The following DSCAML1 variants were observed in gnomAD, a reference collection of about 807,000 sequenced individuals.
The protein encoded by DSCAML1 is cell adhesion molecule DSCAML1.
Under a neutral mutation model 200.5 loss-of-function variants are expected in DSCAML1, and 38 were observed. The observed-to-expected ratio is 0.19, with a 90% CI of 0.15 to 0.25. The LOEUF is 0.25. Among genes scored for constraint, DSCAML1 ranks in the 10% least tolerant of loss-of-function variants. DSCAML1 has a pLI of 1.00. For synonymous variants in DSCAML1, 1,215 were observed against 1,165.0 expected (o/e 1.04, Z -0.87); for missense variants, 2,223 against 2,858.8 (o/e 0.78, Z 5.07).
At chr11:117,512,813 C>A (rs1440269732) in intron 8 of DSCAML1, among the ~76,000 whole-genome samples, 3 of 150,398 alleles carry the variant, frequency 2.0e-5, no homozygotes, top group East Asian at 2.0e-4. Flanking sequence ...CCCTCCCCTT[C>A]CCCCCACTTC....
chr11:117,465,063 G>C lies in DSCAML1; in HGVS notation c.3144C>G (p.Ser1048Arg), dbSNP rs760664175. Residue 1048 changes from serine (S) to arginine (R), a missense_variant, in exon 17 of 33, where the codon AGC (serine) becomes AGG (arginine). Coordinates refer to ENST00000651296, the MANE Select transcript of DSCAML1 (RefSeq NM_020693.4). ...TGAGGTTGTCCAGGGTGTAGACCTC[G>C]CTGTCCCCCGTGGCCTTCATCTCCA... ...SIVEMKATGD[S>R]EVYTLDNLKK... The C allele has an allele frequency of 6.2e-7, 1 of 1,613,988 alleles. No individual in the cohort carries two copies. The highest frequency in any genetic ancestry group is 1.3e-5 in the African/African-American group (1 of 74,904).
chr11:117,782,890 A>G (rs1002745468), intron 1 of DSCAML1, among the ~76,000 whole-genome samples: 2 of 152,190 alleles, frequency 1.3e-5, no homozygotes, highest in African/African-American at 2.4e-5. Flanking sequence ...CGAGAGATCA[A>G]TGCAACTTAC....
At chr11:117,643,039 T>C (rs762344143) in intron 3 of DSCAML1, among the ~76,000 whole-genome samples, 16 of 152,232 alleles carry the variant, frequency 1.1e-4, no homozygotes, top group Non-Finnish European at 2.2e-4. Context: ...AGACTTTGCC[T>C]CTGGTGTACT....
chr11:117,623,216 C>CTTTTTTTTTTT (rs56343852), intron 3 of DSCAML1, among the ~76,000 whole-genome samples: 16 of 121,106 alleles, frequency 1.3e-4, no homozygotes, highest in African/African-American at 2.2e-4. Flanking sequence ...CTTTTCTTTT[C>CTTTTTTTTTTT]TTTTTTTTTT....
intron 1 of DSCAML1, among the ~76,000 whole-genome samples, 169 bp downstream of exon 1, chr11:117,796,865 C>G (rs969989475): frequency 1.3e-5 from 2 of 152,110 alleles, no homozygotes; most frequent in Admixed American, 6.5e-5. Context: ...CTGACTCTCA[C>G]TCGGCCCCTG....
At chr11:117,662,309 G>C (rs747766250) in intron 3 of DSCAML1, among the ~76,000 whole-genome samples, 1 of 152,236 alleles carries the variant, frequency 6.6e-6, no homozygotes, top group Non-Finnish European at 1.5e-5. Context: ...CCCTTTCATG[G>C]AACCAGTAGT....
intron 8 of DSCAML1, among the ~76,000 whole-genome samples, chr11:117,513,366 G>T (rs1377186163): frequency 6.6e-6 from 1 of 152,168 alleles, no homozygotes; most frequent in African/African-American, 2.4e-5. Context: ...TGGGTGTTTG[G>T]CTGTGAGGGT....
chr11:117,718,684 A>T (rs888593212), intron 3 of DSCAML1, among the ~76,000 whole-genome samples: 55 of 11,340 alleles, frequency 4.9e-3, no homozygotes, highest in East Asian at 0.013. Context: ...CCCCCCCCCC[A>T]TCATATGAGA....
intron 3 of DSCAML1, among the ~76,000 whole-genome samples, chr11:117,763,994 C>G (rs1488851715): frequency 6.6e-6 from 1 of 152,162 alleles, no homozygotes. Context: ...AACTTGATTC[C>G]TTTCCTGCAC....
In DSCAML1 at chr11:117,785,600, A is replaced by G. The variant is rs2055338151; in HGVS notation, c.47-4790T>C. 2.6e-5 allele frequency among the ~76,000 whole-genome samples: 4 copies of G among 152,282 alleles called. No homozygotes were observed. In the South Asian group the frequency reaches 8.3e-4, roughly 32 times the overall value. ...ATGTGGAGGTTTGCAAGCTTAGGAAAGCAAGGTTTGAGGGTCCAGCAGTCC... is the reference window on the plus strand; with the variant it reads ...ATGTGGAGGTTTGCAAGCTTAGGAAGGCAAGGTTTGAGGGTCCAGCAGTCC... On this transcript the variant is annotated intron_variant, in intron 1 of 32. Transcript: ENST00000651296.
chr11:117,796,673 C>T (rs2055582863), intron 1 of DSCAML1, among the ~76,000 whole-genome samples: 1 of 152,192 alleles, frequency 6.6e-6, no homozygotes, highest in African/African-American at 2.4e-5. Flanking sequence ...CCCCTCGACT[C>T]GGAGGGCACT....
chr11:117,712,118 A>AT (rs759050224), intron 3 of DSCAML1, among the ~76,000 whole-genome samples: 10 of 152,154 alleles, frequency 6.6e-5, no homozygotes, highest in East Asian at 3.9e-4. Context: ...CATTTATTTT[A>AT]TTTTTTTTAA....
intron 3 of DSCAML1, among the ~76,000 whole-genome samples, chr11:117,746,735 C>T (rs1266352829): frequency 6.6e-6 from 1 of 152,182 alleles, no homozygotes; most frequent in Non-Finnish European, 1.5e-5. Context: ...CCCAAACACA[C>T]AGGGCTCTGT....
At chr11:117,614,764 T>C (rs1212541008) in intron 3 of DSCAML1, among the ~76,000 whole-genome samples, 2 of 152,226 alleles carry the variant, frequency 1.3e-5, no homozygotes, top group African/African-American at 2.4e-5. Flanking sequence ...GTGGGAAGCC[T>C]GGAGCAGGGT....
At chr11:117,656,157 T>C (rs941893425) in intron 3 of DSCAML1, among the ~76,000 whole-genome samples, 42 of 152,208 alleles carry the variant, frequency 2.8e-4, no homozygotes, top group Non-Finnish European at 7.3e-5. Flanking sequence ...AGAATTACTT[T>C]AACCCAGAAG....
intron 3 of DSCAML1, among the ~76,000 whole-genome samples, chr11:117,606,440 C>T (rs1033366102): frequency 3.3e-5 from 5 of 152,184 alleles, no homozygotes; most frequent in Non-Finnish European, 5.9e-5. Flanking sequence ...ACACTTTGAT[C>T]GATGAGTTAA....
upstream of DSCAML1, among the ~76,000 whole-genome samples, chr11:117,797,824 T>C (rs967661115): frequency 6.7e-6 from 1 of 149,488 alleles, no homozygotes; most frequent in Non-Finnish European, 1.5e-5. Flanking sequence ...TTATTCACAA[T>C]GAGCAGTTTA....
At position 117,780,213 on chromosome 11, in the gene DSCAML1, G is replaced by A. The variant is rs1359100812; in HGVS notation, c.364+280C>T. On this transcript the variant is annotated intron_variant, in intron 2 of 32. Coordinates refer to ENST00000651296, the MANE Select transcript of DSCAML1 (RefSeq NM_020693.4). This position sits in a 1 kb window ranked among gnomAD's most constrained non-coding sequence, Gnocchi z 4.8. ...AAAGAAAGAAAGAGAAAGAAAGAGA[G>A]AGAGAGAAAGAAAGAAAGGAAAGAA... Among the ~76,000 whole-genome samples the A allele has an allele frequency of 5.1e-3, 244 of 48,108 alleles. 2 individuals carry two copies. The highest frequency in any genetic ancestry group is 0.018 in the African/African-American group (229 of 12,880). The allele number at this position is 48,108 out of a possible 152,430, so 31.6% of individuals were successfully genotyped here.
chr11:117,468,023 C>T (rs889519234), intron 16 of DSCAML1, among the ~76,000 whole-genome samples: 4 of 152,178 alleles, frequency 2.6e-5, no homozygotes, highest in African/African-American at 9.7e-5. Flanking sequence ...CCAATCTATC[C>T]ATCCAGATAG....
Sources: gnomAD v4.1 joint callset for allele counts (sites outside exome capture counted in the v4.1 genomes callset) on GRCh38, gnomAD v4.1.1 for gene constraint, Gnocchi (gnomAD v3.1) non-coding constraint, MANE v1.5 for transcripts, NCBI Gene and HGNC (gene_info 2026-07-23, HGNC 2026-07-21) for gene names.